Variants in COL22A1 observed in about 807,000 individuals in gnomAD.
COL22A1 encodes the protein collagen type XXII alpha 1 chain.
A neutral mutation model predicts 248.9 loss-of-function variants in COL22A1; 221 were observed. The ratio of observed to expected loss-of-function variants is 0.89; its 90% confidence interval spans 0.80 to 0.99. COL22A1 has a LOEUF of 0.99. Ranked by LOEUF, COL22A1 falls within the 50% of genes least tolerant of loss-of-function variation. The pLI is 0.00. For missense variants in COL22A1, 2,240 were observed against 2,179.0 expected, an observed-to-expected ratio of 1.03 and a Z score of -0.56; for synonymous variants, 891 against 793.4, an observed-to-expected ratio of 1.12 and a Z score of -2.07.
intron 43 of COL22A1, among the ~76,000 whole-genome samples, chr8:138,661,544 A>G (rs1305294199): frequency 1.3e-5 from 2 of 152,178 alleles, no homozygotes; most frequent in Non-Finnish European, 2.9e-5. Flanking sequence ...GAGCTCAGAG[A>G]TGGCTGAGCA....
intron 11 of COL22A1, among the ~76,000 whole-genome samples, chr8:138,799,741 A>ATGCTATACATGGCATTCAT (rs1161826139): frequency 1.3e-5 from 2 of 152,170 alleles, no homozygotes; most frequent in African/African-American, 4.8e-5. Context: ...ATTTTCTGCA[A>ATGCTATACATGGCATTCAT]TGCTATACAT....
At chr8:138,826,893 A>G in intron 5 of COL22A1, 112 bp from the exon 6 acceptor site, 1 of 1,307,736 alleles carries the variant, frequency 7.6e-7, no homozygotes, top group Non-Finnish European at 1.1e-6. Flanking sequence ...GACTTCCTAA[A>G]TATTTCCACC....
chr8:138,672,105 G>A (rs559627128), intron 41 of COL22A1, among the ~76,000 whole-genome samples: 2 of 152,154 alleles, frequency 1.3e-5, no homozygotes, highest in African/African-American at 2.4e-5. Context: ...CTGGAAGAGT[G>A]GTTAAGGGCA....
intron 64 of COL22A1, among the ~76,000 whole-genome samples, chr8:138,590,565 A>T (rs1406608313): frequency 6.6e-6 from 1 of 152,130 alleles, no homozygotes; most frequent in South Asian, 2.1e-4. Context: ...TAATTATCTT[A>T]TCTAACAAAA....
intron 4 of COL22A1, among the ~76,000 whole-genome samples, chr8:138,842,493 G>A (rs1820957754): frequency 6.6e-6 from 1 of 152,134 alleles, no homozygotes; most frequent in Non-Finnish European, 1.5e-5. Context: ...GGGGTCTCAG[G>A]GAAAAGTTGC....
intron 3 of COL22A1, among the ~76,000 whole-genome samples, chr8:138,848,211 A>G (rs1015311707): frequency 6.6e-6 from 1 of 152,236 alleles, no homozygotes. Flanking sequence ...AAACGAAAAC[A>G]TCTAATGACA....
intron 12 of COL22A1, among the ~76,000 whole-genome samples, chr8:138,790,233 C>T (rs374731369): frequency 4.6e-5 from 7 of 152,140 alleles, no homozygotes; most frequent in African/African-American, 1.2e-4. Flanking sequence ...TGTCTTTTCA[C>T]GGTAACCTGA....
chr8:138,868,801 G>T (rs1823098251), intron 3 of COL22A1, among the ~76,000 whole-genome samples: 1 of 151,900 alleles, frequency 6.6e-6, no homozygotes. Flanking sequence ...CACAATCTCG[G>T]CTCACTGCAA....
chr8:138,694,776 G>A (rs62527938), intron 33 of COL22A1, 50 bp downstream of exon 33: 110,858 of 1,594,274 alleles, frequency 0.07, 5,674 homozygotes, highest in African/African-American at 0.26. Context: ...TTTGGAGTCC[G>A]GGTCTCCAGG....
At chr8:138,792,273 C>A (rs1816126665) in intron 12 of COL22A1, among the ~76,000 whole-genome samples, 1 of 152,220 alleles carries the variant, frequency 6.6e-6, no homozygotes, top group Admixed American at 6.5e-5. Flanking sequence ...AAGGCCACCA[C>A]CACCAATATC....
intron 23 of COL22A1, 24 bp from the exon 24 acceptor site, chr8:138,725,464 G>C: frequency 6.2e-7 from 1 of 1,608,812 alleles, no homozygotes; most frequent in Non-Finnish European, 8.5e-7. Context: ...GCATTTGGTG[G>C]GCTACAGATG....
At chr8:138,722,942 A>G (rs1482537176) in intron 25 of COL22A1, among the ~76,000 whole-genome samples, 8 of 149,766 alleles carry the variant, frequency 5.3e-5, no homozygotes, top group African/African-American at 2.0e-4. Context: ...AGAATAGCTA[A>G]TGTATGCTGG....
chr8:138,619,324 C>T, intron 53 of COL22A1, 131 bp downstream of exon 53: 1 of 722,730 alleles, frequency 1.4e-6, no homozygotes. Flanking sequence ...CACAGAAGCA[C>T]AGCCGTCTGG....
chr8:138,893,103 G>T (rs954715928), intron 1 of COL22A1, among the ~76,000 whole-genome samples: 13 of 152,226 alleles, frequency 8.5e-5, no homozygotes, highest in African/African-American at 3.1e-4. Context: ...CCTGTCTTAA[G>T]AGGGCTGCCT....
chr8:138,774,041 T>C (rs1834614590), intron 16 of COL22A1, among the ~76,000 whole-genome samples: 1 of 152,024 alleles, frequency 6.6e-6, no homozygotes, highest in Non-Finnish European at 1.5e-5. Context: ...AATGCCACTT[T>C]TATGTCCTCA....
rs144729639 is a variant in COL22A1, at chr8:138,619,623, G to C, written c.3772-115C>G. 5.1e-3 allele frequency: 4,814 copies of C among 937,822 alleles called. 21 individuals are homozygous for C. The highest frequency in any genetic ancestry group is 6.8e-3 in the Non-Finnish European group (3,962 of 579,416). 58.1% of individuals were successfully genotyped at this position (937,822 alleles called of 1,614,324 possible). ...CCACAAGCCAGTTTCTATCCACCCT[G>C]TCAGCCCTTTCCCCTGGTGTCTTGG... On this transcript the variant is annotated intron_variant, in intron 52 of 64. Coordinates refer to ENST00000303045, the MANE Select transcript of COL22A1 (RefSeq NM_152888.3).
chr8:138,858,059 G>A (rs529952523), intron 3 of COL22A1, among the ~76,000 whole-genome samples: 7 of 152,326 alleles, frequency 4.6e-5, no homozygotes, highest in Middle Eastern at 3.4e-3. Context: ...GGGTGGTGAC[G>A]TCATCAGTTC....
chr8:138,692,481 G>GCA (rs1827169074), intron 35 of COL22A1, among the ~76,000 whole-genome samples: 1 of 63,238 alleles, frequency 1.6e-5, no homozygotes, highest in Admixed American at 1.5e-4. Flanking sequence ...GTGTGTGTGT[G>GCA]TGTGTGTGTG....
At chr8:138,698,471 C>A (rs929895071) in intron 32 of COL22A1, among the ~76,000 whole-genome samples, 1 of 152,200 alleles carries the variant, frequency 6.6e-6, no homozygotes, top group Non-Finnish European at 1.5e-5. Flanking sequence ...GCCAGGAAAA[C>A]GCCCGGAGCT....
Sources: gnomAD v4.1 joint callset for allele counts (sites outside exome capture counted in the v4.1 genomes callset) on GRCh38, gnomAD v4.1.1 for gene constraint, MANE v1.5 for transcripts, NCBI Gene and HGNC (gene_info 2026-07-23, HGNC 2026-07-21) for gene names.